ZNF407: variants seen among roughly 807,000 people sequenced by gnomAD.
The protein encoded by ZNF407 is zinc finger protein 407.
In ZNF407, 17 loss-of-function variants were observed where a neutral mutation model predicts 131.2. The ratio of observed to expected loss-of-function variants is 0.13; its 90% CI spans 0.09 to 0.19. The LOEUF is 0.19. Among genes scored for constraint, ZNF407 ranks in the 10% least tolerant of loss-of-function variants. The pLI is 1.00. For missense variants in ZNF407, 2,681 were observed against 2,830.6 expected (o/e 0.95, Z 1.20); for synonymous variants, 1,156 against 1,062.0 (o/e 1.09, Z -1.72).
chr18:74,738,655 T>C (rs1324825107), intron 3 of ZNF407, among the ~76,000 whole-genome samples: 2 of 150,234 alleles, frequency 1.3e-5, no homozygotes, highest in African/African-American at 4.9e-5. Flanking sequence ...AGGAGAATCG[T>C]GTGAACCTGG....
intron 4 of ZNF407, among the ~76,000 whole-genome samples, chr18:74,849,250 T>A (rs922597059): frequency 6.6e-6 from 1 of 151,872 alleles, no homozygotes; most frequent in African/African-American, 2.4e-5. Context: ...AGATAATTTT[T>A]TGTATTTTTA....
At chr18:74,726,831 T>G (rs755248166) in intron 3 of ZNF407, among the ~76,000 whole-genome samples, 3 of 152,194 alleles carry the variant, frequency 2.0e-5, no homozygotes, top group South Asian at 4.1e-4. Context: ...CAGTACTGAG[T>G]GCAGTGCTTT....
chr18:74,634,091 T>G lies in ZNF407; in HGVS notation c.3072T>G (p.Phe1024Leu), dbSNP rs199675086. 292 of 1,614,072 alleles carry G rather than the reference T, an allele frequency of 1.8e-4. 1 individual carries two copies. In the Middle Eastern group the frequency reaches 4.8e-3, roughly 26 times the overall value. Residue 1024 changes from phenylalanine (F) to leucine (L), a missense_variant, in exon 2 of 9, where the codon TTT (phenylalanine) becomes TTG (leucine). Around this residue, in one of 6 missense-constraint regions of ZNF407, gnomAD observed 1,789 missense variants for 1,748.7 expected, o/e 1.02. Coordinates refer to ENST00000299687, the MANE Select transcript of ZNF407 (RefSeq NM_017757.3). The stretch of plus-strand genomic sequence containing the variant: ...AGAATAAGTGTTTGCACTGTGAGTT[T>G]AGTGCTCACTCCTCTGCTTCTCTAG... ...TGENKCLHCE[F>L]SAHSSASLEL...
intron 4 of ZNF407, among the ~76,000 whole-genome samples, chr18:74,838,516 A>G (rs1970588806): frequency 6.6e-6 from 1 of 151,930 alleles, no homozygotes; most frequent in Non-Finnish European, 1.5e-5. Context: ...CTACATTCTA[A>G]TCTAGACAAC....
At chr18:75,032,755 C>G (rs962186840) in intron 8 of ZNF407, among the ~76,000 whole-genome samples, 1 of 139,022 alleles carries the variant, frequency 7.2e-6, no homozygotes, top group Non-Finnish European at 1.5e-5. Context: ...CATTAGATAA[C>G]TAAGAGTGCT....
At chr18:74,608,309 A>T (rs1982897524) in intron 1 of ZNF407, among the ~76,000 whole-genome samples, 2 of 151,276 alleles carry the variant, frequency 1.3e-5, no homozygotes, top group Non-Finnish European at 2.9e-5. Flanking sequence ...GTATTTTGTT[A>T]TGTCTCCTTG....
At position 74,635,082 on chromosome 18, in the gene ZNF407, C is replaced by A; in HGVS notation, c.4063C>A (p.Arg1355=). The A allele has an allele frequency of 6.2e-7, 1 of 1,613,792 alleles. No homozygotes were observed. The highest frequency in any genetic ancestry group is 8.5e-7 in the Non-Finnish European group (1 of 1,179,876). Residue 1355 remains arginine (R), a synonymous_variant, in exon 2 of 9, where the codon CGA becomes AGA. Coordinates refer to ENST00000299687, the MANE Select transcript of ZNF407 (RefSeq NM_017757.3). The surrounding 1 kb of genome is among the most constrained non-coding windows in gnomAD (Gnocchi z 4.7). ...DKGQAMYSFG[R]FDSSIIRIKN... Reference sequence around the variant, plus strand: ...AGGGCAGGCCATGTACAGTTTTGGTCGATTTGACTCCTCCATAATAAGAAT... The same window carrying A: ...AGGGCAGGCCATGTACAGTTTTGGTAGATTTGACTCCTCCATAATAAGAAT...
At chr18:74,970,336 T>C (rs1009258747) in intron 8 of ZNF407, among the ~76,000 whole-genome samples, 7 of 152,142 alleles carry the variant, frequency 4.6e-5, no homozygotes, top group Admixed American at 4.6e-4. Context: ...CCGAAAGTCT[T>C]ATTTCAGCAT....
chr18:74,669,886 G>T (rs1011067000), intron 3 of ZNF407, among the ~76,000 whole-genome samples: 2 of 152,098 alleles, frequency 1.3e-5, no homozygotes, highest in African/African-American at 4.8e-5. Context: ...CTTTTTTGAG[G>T]CTCAAACACA....
At chr18:75,045,192 TG>T (rs1973420741) in intron 8 of ZNF407, among the ~76,000 whole-genome samples, 1 of 152,124 alleles carries the variant, frequency 6.6e-6, no homozygotes, top group Non-Finnish European at 1.5e-5. Flanking sequence ...CACACGTGTA[TG>T]AAAAAATGTG....
At chr18:74,624,786 A>G (rs536351328) in intron 1 of ZNF407, among the ~76,000 whole-genome samples, 2 of 152,364 alleles carry the variant, frequency 1.3e-5, no homozygotes, top group South Asian at 2.1e-4. Context: ...GGGCTTTGCC[A>G]GATCGCTGCC....
At chr18:74,655,606 A>G (rs1156529709) in intron 3 of ZNF407, among the ~76,000 whole-genome samples, 2 of 152,140 alleles carry the variant, frequency 1.3e-5, no homozygotes, top group African/African-American at 4.8e-5. Flanking sequence ...TGGGTTTTGC[A>G]TGCAACAAAA....
chr18:74,700,252 A>T (rs1469431635), intron 3 of ZNF407, among the ~76,000 whole-genome samples: 1 of 152,230 alleles, frequency 6.6e-6, no homozygotes, highest in Non-Finnish European at 1.5e-5. Context: ...ACATTAGTAT[A>T]CCTACATTTG....
At chr18:74,743,336 G>A (rs1254852868) in intron 3 of ZNF407, among the ~76,000 whole-genome samples, 2 of 151,910 alleles carry the variant, frequency 1.3e-5, no homozygotes, top group African/African-American at 4.8e-5. Context: ...GATGTGGTTG[G>A]TCAGGATTTA....
intron 3 of ZNF407, among the ~76,000 whole-genome samples, chr18:74,761,515 CTAAA>C (rs1427632408): frequency 1.3e-5 from 2 of 151,994 alleles, no homozygotes; most frequent in African/African-American, 4.8e-5. Context: ...TTAGAGATAT[CTAAA>C]TAGTTGATCA....
At chr18:74,965,546 T>C (rs577369529) in intron 8 of ZNF407, among the ~76,000 whole-genome samples, 78 of 152,340 alleles carry the variant, frequency 5.1e-4, no homozygotes, top group African/African-American at 1.8e-3. Flanking sequence ...GCATTTTCTT[T>C]ATTCATTTGT....
chr18:74,654,078 T>C (rs1471618799), intron 3 of ZNF407, among the ~76,000 whole-genome samples: 1 of 151,848 alleles, frequency 6.6e-6, no homozygotes, highest in African/African-American at 2.4e-5. Context: ...TAGGTCTTGA[T>C]AATTCAAGGA....
chr18:75,000,699 T>C (rs1328162770), intron 8 of ZNF407, among the ~76,000 whole-genome samples: 1 of 152,212 alleles, frequency 6.6e-6, no homozygotes, highest in Non-Finnish European at 1.5e-5. Flanking sequence ...TTCTGCATCA[T>C]TTTTATATAT....
chr18:74,718,208 C>G (rs950000751), intron 3 of ZNF407, among the ~76,000 whole-genome samples: 1 of 150,780 alleles, frequency 6.6e-6, no homozygotes, highest in Non-Finnish European at 1.5e-5. Flanking sequence ...TTTTGCAGCC[C>G]CCCCCCTCCC....
Sources: gnomAD v4.1 joint callset for allele counts (sites outside exome capture counted in the v4.1 genomes callset) on GRCh38, gnomAD v4.1.1 for gene constraint, gnomAD v4.1.1 regional missense constraint, Gnocchi (gnomAD v3.1) non-coding constraint, MANE v1.5 for transcripts, NCBI Gene and HGNC (gene_info 2026-07-23, HGNC 2026-07-21) for gene names.